Variants in ROBO1 observed in about 807,000 individuals in gnomAD.
The protein encoded by ROBO1 is roundabout homolog 1.
A neutral mutation model predicts 195.9 loss-of-function variants in ROBO1; 149 were observed. That is an observed-to-expected ratio of 0.76 (90% confidence interval 0.67 to 0.87). The LOEUF is 0.87. Ranked by LOEUF, ROBO1 falls within the 40% of genes least tolerant of loss-of-function variation. The probability of loss-of-function intolerance (pLI) is 0.00; values close to 1 mark genes in which losing one functional copy is unlikely to be tolerated. For synonymous variants in ROBO1, 816 were observed against 733.2 expected (o/e 1.11, Z -1.82); for missense variants, 1,933 against 2,068.3 (o/e 0.93, Z 1.27).
chr3:79,165,792 T>G (rs190576783), intron 2 of ROBO1, among the ~76,000 whole-genome samples: 4 of 152,332 alleles, frequency 2.6e-5, no homozygotes, highest in Non-Finnish European at 4.4e-5. Context: ...AATCCCCAGA[T>G]AGCCAACCCA....
At chr3:79,727,873 T>C (rs1287189568) in intron 1 of ROBO1, among the ~76,000 whole-genome samples, 3 of 152,110 alleles carry the variant, frequency 2.0e-5, no homozygotes, top group Non-Finnish European at 4.4e-5. Context: ...AGACAACACA[T>C]AGTACCTATA....
At chr3:78,835,278 G>T (rs1449817571) in intron 4 of ROBO1, among the ~76,000 whole-genome samples, 1 of 151,988 alleles carries the variant, frequency 6.6e-6, no homozygotes, top group African/African-American at 2.4e-5. Context: ...TTTCTAGATG[G>T]AACAAAGGGC....
chr3:79,695,690 G>GAAGA (rs1947425080), intron 1 of ROBO1, among the ~76,000 whole-genome samples: 1 of 151,026 alleles, frequency 6.6e-6, no homozygotes, highest in Non-Finnish European at 1.5e-5. Flanking sequence ...TATTAACAAA[G>GAAGA]AATTATGTTG....
intron 3 of ROBO1, among the ~76,000 whole-genome samples, chr3:79,071,801 C>A (rs893715470): frequency 6.6e-6 from 1 of 151,644 alleles, no homozygotes; most frequent in Middle Eastern, 3.4e-3. Context: ...GCAGCAGAGA[C>A]TTTACGGCAG....
intron 2 of ROBO1, among the ~76,000 whole-genome samples, chr3:79,389,549 T>C (rs1039568215): frequency 6.6e-6 from 1 of 152,074 alleles, no homozygotes; most frequent in Non-Finnish European, 1.5e-5. Flanking sequence ...TTTGTAATAA[T>C]AAGATTCAAA....
intron 2 of ROBO1, among the ~76,000 whole-genome samples, chr3:79,356,567 G>T (rs2035562417): frequency 6.6e-6 from 1 of 152,018 alleles, no homozygotes; most frequent in South Asian, 2.1e-4. Flanking sequence ...CTTCATCTTT[G>T]GCATAGAGTC....
In ROBO1 at chr3:78,963,698, T is replaced by TAGTAGAGACGGGGTTTCACCGTGTTAGCC. The variant is rs1422497457; in HGVS notation, c.173-24800_173-24772dup. ...ACGCCTGGCTAATTTTTTGTATTTTTAGTAGAGACGGGGTTTCACCGTGTT... is the reference window on the plus strand; with the variant it reads ...ACGCCTGGCTAATTTTTTGTATTTTTAGTAGAGACGGGGTTTCACCGTGTTAGCCAGTAGAGACGGGGTTTCACCGTGTT... On this transcript the variant is annotated intron_variant, in intron 3 of 30. Coordinates refer to ENST00000464233, the MANE Select transcript of ROBO1 (RefSeq NM_002941.4). Among the ~76,000 whole-genome samples, 23 of 151,828 alleles carry TAGTAGAGACGGGGTTTCACCGTGTTAGCC rather than the reference T, an allele frequency of 1.5e-4. No homozygotes were observed. The East Asian group carries it at 3.7e-3, about 25-fold the overall frequency.
Position 78,635,890 on chromosome 3 carries a change from T to A in ROBO1, c.3256A>T (p.Asn1086Tyr). Residue 1086 changes from asparagine to tyrosine, a missense_variant, in exon 23 of 31, where the codon AAC becomes TAC. Asn to Tyr is a moderately radical substitution (Grantham distance 143). Coordinates refer to ENST00000464233, the MANE Select transcript of ROBO1 (RefSeq NM_002941.4). ...GAGTCCCCGCTGCCATTGTTCATGTTGTTGCTGAGGTTTGACTGGATGAGC... is the reference window on the plus strand; with the variant it reads ...GAGTCCCCGCTGCCATTGTTCATGTAGTTGCTGAGGTTTGACTGGATGAGC... Reference protein sequence around the residue: ...TQLIQSNLSNNMNNGSGDSGE... With the variant: ...TQLIQSNLSNYMNNGSGDSGE... 1 of 1,613,932 alleles carries A rather than the reference T, an allele frequency of 6.2e-7. No homozygotes were observed. The highest frequency in any genetic ancestry group is 1.7e-4 in the Middle Eastern group (1 of 6,060).
intron 2 of ROBO1, among the ~76,000 whole-genome samples, chr3:79,507,721 T>C (rs1194514900): frequency 6.6e-6 from 1 of 152,200 alleles, no homozygotes; most frequent in Non-Finnish European, 1.5e-5. Context: ...CTTTAATTTT[T>C]CTTCACAATA....
chr3:78,707,174 C>T (rs948762138), intron 8 of ROBO1, among the ~76,000 whole-genome samples: 3 of 152,056 alleles, frequency 2.0e-5, no homozygotes, highest in African/African-American at 4.8e-5. Flanking sequence ...GATATTCCAG[C>T]AAAGTTTCTT....
At chr3:78,681,708 T>A (rs1240612742) in intron 10 of ROBO1, among the ~76,000 whole-genome samples, 4 of 151,958 alleles carry the variant, frequency 2.6e-5, no homozygotes, top group African/African-American at 4.8e-5. Context: ...ATCAAGACCA[T>A]CCTGGCTAAC....
intron 5 of ROBO1, among the ~76,000 whole-genome samples, chr3:78,719,963 A>G (rs1289259661): frequency 3.3e-5 from 5 of 152,146 alleles, no homozygotes; most frequent in Non-Finnish European, 1.5e-5. Context: ...TAATATAAAT[A>G]TATCATTTAA....
At chr3:78,696,036 G>T (rs2081281053) in intron 8 of ROBO1, among the ~76,000 whole-genome samples, 1 of 151,056 alleles carries the variant, frequency 6.6e-6, no homozygotes, top group African/African-American at 2.4e-5. Flanking sequence ...TCAGGTAAAA[G>T]GATTTCCTTT....
rs575921759 is a variant in ROBO1 at position 79,109,021 on chromosome 3, T to A, written c.172+16435A>T. Among the ~76,000 whole-genome samples, 788 of 152,028 alleles carry A rather than the reference T, an allele frequency of 5.2e-3. 6 individuals are homozygous for A. Among genetic ancestry groups the A allele is most frequent in the Middle Eastern group, 0.014 (4 of 294 alleles). ...ATCACAGTGCCTCTTTCTTTTTTTT[T>A]AAAACAGAAAAAATTAGTTACAGGC... On this transcript the variant is annotated intron_variant, in intron 3 of 30. Transcript: ENST00000464233.
At chr3:78,828,423 T>C (rs1291524310) in intron 4 of ROBO1, among the ~76,000 whole-genome samples, 1 of 152,124 alleles carries the variant, frequency 6.6e-6, no homozygotes, top group Non-Finnish European at 1.5e-5. Context: ...CATTTGAAAA[T>C]GTGTGTGCTT....
At position 79,234,419 on chromosome 3, in the gene ROBO1, C is replaced by T. The variant is rs140177231; in HGVS notation, c.89-108880G>A. Among the ~76,000 whole-genome samples, 168 of 152,088 alleles carry T rather than the reference C, an allele frequency of 1.1e-3. 1 individual carries two copies. In the East Asian group the frequency reaches 0.019, roughly 17 times the overall value. ...CTGCATATAGCCAGCCAGCTATCTCCGCACCATTTATTAAATAGGGAGTCT... is the reference window on the plus strand; with the variant it reads ...CTGCATATAGCCAGCCAGCTATCTCTGCACCATTTATTAAATAGGGAGTCT... On this transcript the variant is annotated intron_variant, in intron 2 of 30. Coordinates refer to ENST00000464233, the MANE Select transcript of ROBO1 (RefSeq NM_002941.4).
chr3:79,596,081 A>G (rs886347633), intron 1 of ROBO1, among the ~76,000 whole-genome samples: 2 of 152,074 alleles, frequency 1.3e-5, no homozygotes, highest in African/African-American at 4.8e-5. Context: ...GACTATAGTC[A>G]TAGAGCTCAT....
chr3:79,490,787 C>G (rs1575905911), intron 2 of ROBO1, among the ~76,000 whole-genome samples: 1 of 152,088 alleles, frequency 6.6e-6, no homozygotes, highest in Non-Finnish European at 1.5e-5. Flanking sequence ...TATTTGCATT[C>G]CTAGCTGAGA....
At chr3:78,675,778 CT>C (rs1054731113) in intron 10 of ROBO1, among the ~76,000 whole-genome samples, 3 of 152,156 alleles carry the variant, frequency 2.0e-5, no homozygotes, top group African/African-American at 7.2e-5. Flanking sequence ...GCAGTAACCT[CT>C]GCAGACTTAA....
Sources: gnomAD v4.1 joint callset for allele counts (sites outside exome capture counted in the v4.1 genomes callset) on GRCh38, gnomAD v4.1.1 for gene constraint, MANE v1.5 for transcripts, NCBI Gene and HGNC (gene_info 2026-07-23, HGNC 2026-07-21) for gene names.